GRIA4: variants seen among roughly 807,000 people sequenced by gnomAD.
GRIA4 encodes the protein glutamate ionotropic receptor AMPA type subunit 4, also known as glutamate receptor 4.
GRIA4 carries 34 observed loss-of-function variants against 104.0 expected under a neutral mutation model. That is an observed-to-expected ratio of 0.33 (90% CI 0.25 to 0.44). The LOEUF (loss-of-function observed/expected upper bound fraction) is 0.44. Ranked by LOEUF, GRIA4 falls within the 20% of genes least tolerant of loss-of-function variation. GRIA4 has a pLI of 1.00. For synonymous variants in GRIA4, 386 were observed against 381.9 expected (o/e 1.01, Z -0.13); for missense variants, 750 against 1,096.5 (o/e 0.68, Z 4.46).
chr11:105,790,321 G>A (rs1942161162), intron 4 of GRIA4, among the ~76,000 whole-genome samples: 2 of 152,204 alleles, frequency 1.3e-5, no homozygotes, highest in Admixed American at 1.3e-4. Context: ...TCACGCTTTA[G>A]TAATTCACTG....
At chr11:105,708,640 T>G (rs1339982431) in intron 3 of GRIA4, among the ~76,000 whole-genome samples, 2 of 152,014 alleles carry the variant, frequency 1.3e-5, no homozygotes, top group Non-Finnish European at 2.9e-5. Context: ...TTTGTCTAAG[T>G]GTATTGGTTA....
chr11:105,846,170 A>G (rs1027590970), intron 4 of GRIA4, among the ~76,000 whole-genome samples: 3 of 152,206 alleles, frequency 2.0e-5, no homozygotes, highest in Admixed American at 6.5e-5. Context: ...ATCTGCATAT[A>G]CCATTTCTTG....
At chr11:105,834,759 A>G (rs1944113464) in intron 4 of GRIA4, among the ~76,000 whole-genome samples, 2 of 150,450 alleles carry the variant, frequency 1.3e-5, no homozygotes, top group Non-Finnish European at 1.5e-5. Flanking sequence ...ATGAGCCAAT[A>G]AGTTCAGTTC....
chr11:105,770,094 T>C (rs759691235), intron 4 of GRIA4, among the ~76,000 whole-genome samples: 1 of 152,124 alleles, frequency 6.6e-6, no homozygotes, highest in Non-Finnish European at 1.5e-5. Flanking sequence ...GTTTAAGTGA[T>C]ACATACATAG....
intron 4 of GRIA4, among the ~76,000 whole-genome samples, chr11:105,837,207 C>T (rs553013914): frequency 1.4e-4 from 22 of 152,140 alleles, no homozygotes; most frequent in Non-Finnish European, 3.2e-4. Flanking sequence ...TCACTTCCCA[C>T]CTGGTCCCTC....
At chr11:105,737,958 T>A (rs914941666) in intron 3 of GRIA4, among the ~76,000 whole-genome samples, 16 of 152,062 alleles carry the variant, frequency 1.1e-4, no homozygotes, top group African/African-American at 2.9e-4. Context: ...ATAAATAATA[T>A]AAAATGACTA....
intron 4 of GRIA4, among the ~76,000 whole-genome samples, chr11:105,813,843 G>A (rs1340478888): frequency 6.6e-6 from 1 of 151,942 alleles, no homozygotes; most frequent in Non-Finnish European, 1.5e-5. Context: ...ATAACAGCAT[G>A]AAAAAAATAA....
chr11:105,970,699 C>T (rs1405196540), intron 14 of GRIA4, among the ~76,000 whole-genome samples: 1 of 152,158 alleles, frequency 6.6e-6, no homozygotes, highest in African/African-American at 2.4e-5. Flanking sequence ...ATGCACTCAG[C>T]ATTTCCTAGA....
chr11:105,874,916 G>C (rs1945758783), intron 5 of GRIA4, among the ~76,000 whole-genome samples: 1 of 151,990 alleles, frequency 6.6e-6, no homozygotes. Flanking sequence ...TCTTTTTCTT[G>C]CCTGATTACC....
intron 4 of GRIA4, among the ~76,000 whole-genome samples, chr11:105,849,860 G>A (rs531938924): frequency 7.2e-5 from 11 of 152,070 alleles, no homozygotes; most frequent in East Asian, 1.9e-4. Context: ...TGTTGTTCTC[G>A]GGTTTTTTAA....
At chr11:105,688,123 T>C (rs945626699) in intron 3 of GRIA4, among the ~76,000 whole-genome samples, 2 of 75,182 alleles carry the variant, frequency 2.7e-5, no homozygotes, top group Non-Finnish European at 6.2e-5. Context: ...TCTATATCTA[T>C]ATCTATATCT....
chr11:105,845,820 G>T (rs1347371392), intron 4 of GRIA4, among the ~76,000 whole-genome samples: 1 of 152,172 alleles, frequency 6.6e-6, no homozygotes, highest in Non-Finnish European at 1.5e-5. Flanking sequence ...GAACCCGGGA[G>T]TCGGAGCTTG....
At chr11:105,902,327 T>C (rs958304461) in intron 7 of GRIA4, among the ~76,000 whole-genome samples, 3 of 151,838 alleles carry the variant, frequency 2.0e-5, no homozygotes, top group Non-Finnish European at 4.4e-5. Context: ...TTTCTTTTCT[T>C]TTCTTTTTTT....
In GRIA4 at chr11:105,785,157, C is replaced by T. The variant is rs372783777; in HGVS notation, c.487+31937C>T. On this transcript the variant is annotated intron_variant, in intron 4 of 16. Coordinates refer to ENST00000282499, the MANE Select transcript of GRIA4 (RefSeq NM_000829.4). ...TAGGTTCTTGCTGGTGCATACTATACGTTATTGGGGCTCAGATAATCAGAG... is the reference window on the plus strand; with the variant it reads ...TAGGTTCTTGCTGGTGCATACTATATGTTATTGGGGCTCAGATAATCAGAG... Among the ~76,000 whole-genome samples the T allele has an allele frequency of 3.3e-5, 5 of 152,238 alleles. No individual in the cohort carries two copies. In the South Asian group the frequency reaches 6.2e-4, roughly 19 times the overall value.
intron 3 of GRIA4, among the ~76,000 whole-genome samples, chr11:105,687,386 A>G (rs1952916761): frequency 6.6e-6 from 1 of 152,216 alleles, no homozygotes; most frequent in South Asian, 2.1e-4. Context: ...CCTATGTGCC[A>G]GATTCTACTG....
At chr11:105,684,843 T>C (rs1952823956) in intron 3 of GRIA4, among the ~76,000 whole-genome samples, 1 of 151,738 alleles carries the variant, frequency 6.6e-6, no homozygotes, top group Non-Finnish European at 1.5e-5. Flanking sequence ...GATCTCATGA[T>C]GAAAGTGGGT....
At chr11:105,959,263 C>G (rs538810528) in intron 14 of GRIA4, among the ~76,000 whole-genome samples, 9 of 152,104 alleles carry the variant, frequency 5.9e-5, no homozygotes, top group African/African-American at 2.2e-4. Context: ...ATCGTAGGTT[C>G]TGTCCTTTTA....
At chr11:105,899,212 G>T (rs1565326652) in intron 7 of GRIA4, among the ~76,000 whole-genome samples, 1 of 152,068 alleles carries the variant, frequency 6.6e-6, no homozygotes. Context: ...TTTCATATTG[G>T]CTATGTCCAT....
intron 3 of GRIA4, among the ~76,000 whole-genome samples, chr11:105,670,272 G>A (rs1281898373): frequency 2.6e-5 from 4 of 151,994 alleles, no homozygotes; most frequent in African/African-American, 9.7e-5. Flanking sequence ...TTTATTTTAA[G>A]GTAGCTTAAT....
Sources: allele counts gnomAD v4.1 joint callset (sites outside exome capture counted in the v4.1 genomes callset), GRCh38; gene constraint gnomAD v4.1.1; transcripts MANE v1.5; gene names NCBI Gene and HGNC (gene_info 2026-07-23, HGNC 2026-07-21).